The following FBXW11 variants were observed in gnomAD, a reference collection of about 807,000 sequenced individuals.
The protein encoded by FBXW11 is F-box and WD repeat domain containing 11.
A neutral mutation model predicts 77.6 loss-of-function variants in FBXW11; 19 were observed. The observed-to-expected ratio is 0.24, with a 90% CI of 0.17 to 0.36. The LOEUF is 0.36. Among genes scored for constraint, FBXW11 ranks in the 10% least tolerant of loss-of-function variants. The probability of loss-of-function intolerance (pLI) is 1.00; values close to 1 mark genes in which losing one functional copy is unlikely to be tolerated. For missense variants in FBXW11, 334 were observed against 704.2 expected (o/e 0.47, Z 5.95); for synonymous variants, 235 against 249.4 (o/e 0.94, Z 0.54).
At chr5:171,960,063 G>A (rs796418741) in intron 1 of FBXW11, among the ~76,000 whole-genome samples, 23 of 59,822 alleles carry the variant, frequency 3.8e-4, no homozygotes, top group African/African-American at 6.7e-4. Context: ...ACAAGTGGAT[G>A]GGCAAAGAAG....
Position 171,957,709 on chromosome 5 carries a change from A to G in FBXW11, c.46-11T>C, listed in dbSNP as rs1448411025. 1 of 1,611,930 alleles carries G rather than the reference A, an allele frequency of 6.2e-7. No individual in the cohort carries two copies. Among genetic ancestry groups the G allele is most frequent in the East Asian group, 2.2e-5 (1 of 44,880 alleles). Reference sequence around the variant, plus strand: ...CCTTGGCACAGAACACTGCAGGATGACAAAAAGGAAGGAAGAGAAGAAGCA... The same window carrying G: ...CCTTGGCACAGAACACTGCAGGATGGCAAAAAGGAAGGAAGAGAAGAAGCA... On this transcript the variant is annotated splice_polypyrimidine_tract_variant and intron_variant, in intron 1 of 13. Coordinates refer to ENST00000517395, the MANE Select transcript of FBXW11 (RefSeq NM_001378974.1).
At chr5:171,902,964 C>T (rs2113894557) in intron 4 of FBXW11, among the ~76,000 whole-genome samples, 1 of 152,294 alleles carries the variant, frequency 6.6e-6, no homozygotes, top group East Asian at 1.9e-4. Context: ...TATCACTATA[C>T]TATCTATTCT....
At chr5:171,998,081 T>C (rs985221911) in intron 1 of FBXW11, among the ~76,000 whole-genome samples, 4 of 152,160 alleles carry the variant, frequency 2.6e-5, no homozygotes, top group Non-Finnish European at 5.9e-5. Flanking sequence ...TGGAGCACTA[T>C]GGACTCCACA....
chr5:171,906,045 A>C (rs1760495601), intron 4 of FBXW11, among the ~76,000 whole-genome samples: 3 of 152,250 alleles, frequency 2.0e-5, no homozygotes, highest in Admixed American at 2.0e-4. Context: ...ATTAAAAGGC[A>C]CAAATTTCAA....
chr5:171,866,988 C>A (rs839309), intron 13 of FBXW11, among the ~76,000 whole-genome samples: 3,794 of 152,290 alleles, frequency 0.025, 86 homozygotes, highest in African/African-American at 0.058. Context: ...TTACAGGTCA[C>A]TCCTGCAAGG....
At chr5:171,916,598 C>T in intron 2 of FBXW11, 1 of 372,480 alleles carries the variant, frequency 2.7e-6, no homozygotes, top group Non-Finnish European at 3.7e-6. Flanking sequence ...CTTTTCATTG[C>T]TATCTTGAAG....
rs17074113 is a variant in FBXW11 at position 171,871,302 on chromosome 5, G to A, written c.1341-444C>T. ...GGAGAAAGAGCACAGATGAGACAAG[G>A]TGGGAAAGGAGATATCACGTACAGC... On this transcript the variant is annotated intron_variant, in intron 10 of 13. Coordinates refer to ENST00000517395, the MANE Select transcript of FBXW11 (RefSeq NM_001378974.1). Among the ~76,000 whole-genome samples the A allele has an allele frequency of 9.2e-3, 1,407 of 152,268 alleles. 25 individuals are homozygous for A. Among genetic ancestry groups the A allele is most frequent in the African/African-American group, 0.032 (1,341 of 41,544 alleles).
At chr5:171,996,591 A>G (rs1263654998) in intron 1 of FBXW11, among the ~76,000 whole-genome samples, 1 of 152,182 alleles carries the variant, frequency 6.6e-6, no homozygotes, top group Admixed American at 6.5e-5. Flanking sequence ...TGAGGCCAAG[A>G]GGTCAAGGCT....
chr5:171,953,429 T>C (rs945478721), intron 2 of FBXW11, among the ~76,000 whole-genome samples: 4 of 152,122 alleles, frequency 2.6e-5, no homozygotes, highest in African/African-American at 9.7e-5. Context: ...TCCCTAATGC[T>C]TATTAGAAAA....
At chr5:171,933,773 A>G (rs917634628) in intron 2 of FBXW11, among the ~76,000 whole-genome samples, 6 of 152,236 alleles carry the variant, frequency 3.9e-5, no homozygotes, top group Non-Finnish European at 7.3e-5. Context: ...TTAAGCTAGG[A>G]ATCTTATCAA....
At chr5:171,901,926 G>A (rs1329442664) in intron 4 of FBXW11, among the ~76,000 whole-genome samples, 1 of 152,140 alleles carries the variant, frequency 6.6e-6, no homozygotes, top group African/African-American at 2.4e-5. Context: ...AAAGTACTAA[G>A]GCAAACATGT....
intron 1 of FBXW11, among the ~76,000 whole-genome samples, chr5:171,993,432 G>GT (rs1765860610): frequency 6.6e-6 from 1 of 151,988 alleles, no homozygotes; most frequent in Non-Finnish European, 1.5e-5. Context: ...GCCAACAATG[G>GT]TAAAACCCCC....
intron 4 of FBXW11, chr5:171,908,639 G>A (rs905074611): frequency 6.6e-6 from 1 of 152,162 alleles, no homozygotes; most frequent in Non-Finnish European, 1.5e-5. Context: ...TAAAAAGAAC[G>A]GCAGTGTCAA....
intron 7 of FBXW11, among the ~76,000 whole-genome samples, chr5:171,882,600 C>T (rs1272359540): frequency 6.6e-6 from 1 of 152,106 alleles, no homozygotes; most frequent in African/African-American, 2.4e-5. Flanking sequence ...CCACTGTGCC[C>T]AGCCTCAAAA....
intron 2 of FBXW11, among the ~76,000 whole-genome samples, chr5:171,950,552 C>T (rs1044630835): frequency 6.6e-6 from 1 of 152,070 alleles, no homozygotes; most frequent in African/African-American, 2.4e-5. Context: ...ATAAGTGACC[C>T]CGTATTGTGA....
intron 7 of FBXW11, among the ~76,000 whole-genome samples, chr5:171,883,684 G>A (rs1327464302): frequency 6.6e-6 from 1 of 152,082 alleles, no homozygotes; most frequent in African/African-American, 2.4e-5. Flanking sequence ...TCTTGCAGGA[G>A]GTGGTATCAC....
At chr5:171,990,239 A>G (rs1160254066) in intron 1 of FBXW11, among the ~76,000 whole-genome samples, 2 of 152,190 alleles carry the variant, frequency 1.3e-5, no homozygotes, top group African/African-American at 2.4e-5. Context: ...GAGAGTATAT[A>G]AATGTTATAC....
intron 3 of FBXW11, 143 bp from the exon 4 acceptor site, chr5:171,910,940 C>T (rs1760844258): frequency 1.6e-6 from 1 of 613,882 alleles, no homozygotes; most frequent in Non-Finnish European, 2.7e-6. Context: ...TTTACTAATT[C>T]ATTCAGGAAT....
intron 1 of FBXW11, among the ~76,000 whole-genome samples, chr5:171,963,011 G>T (rs1049220391): frequency 6.6e-6 from 1 of 152,084 alleles, no homozygotes; most frequent in Non-Finnish European, 1.5e-5. Flanking sequence ...ATCATTACCA[G>T]CTTCTTCTCA....
Sources: allele counts gnomAD v4.1 joint callset (sites outside exome capture counted in the v4.1 genomes callset), GRCh38; gene constraint gnomAD v4.1.1; transcripts MANE v1.5; gene names NCBI Gene and HGNC (gene_info 2026-07-23, HGNC 2026-07-21).